PCDHGA7: variants seen among roughly 807,000 people sequenced by gnomAD.
PCDHGA7 encodes protocadherin gamma-A7.
In PCDHGA7, 44 loss-of-function variants were observed where a neutral mutation model predicts 58.3. That is an observed-to-expected ratio of 0.75 (90% confidence interval 0.59 to 0.97). The LOEUF (loss-of-function observed/expected upper bound fraction) is 0.97. Among genes scored for constraint, PCDHGA7 ranks in the 50% least tolerant of loss-of-function variants. PCDHGA7 has a pLI of 0.00. For missense variants in PCDHGA7, 1,266 were observed against 1,188.7 expected, an observed-to-expected ratio of 1.06 and a Z score of -0.96; for synonymous variants, 516 against 504.2, an observed-to-expected ratio of 1.02 and a Z score of -0.31.
At position 141,489,754 on chromosome 5, in the gene PCDHGA7, C is replaced by G; in HGVS notation, c.2425-5053C>G. 1 of 1,614,110 alleles carries G rather than the reference C, an allele frequency of 6.2e-7. No homozygotes were observed. The highest frequency in any genetic ancestry group is 8.5e-7 in the Non-Finnish European group (1 of 1,179,972). ...CACCAATACTGTGAGCTTTTACACT[C>G]TAAGCCCCAACAGCCACTTCTCTCT... On this transcript the variant is annotated intron_variant, in intron 1 of 3. Coordinates refer to ENST00000518325, the MANE Select transcript of PCDHGA7 (RefSeq NM_018920.4). The surrounding 1 kb of genome is among the most constrained non-coding windows in gnomAD (Gnocchi z 4.5).
intron 1 of PCDHGA7, chr5:141,408,741 T>C: frequency 6.2e-7 from 1 of 1,610,092 alleles, no homozygotes; most frequent in Non-Finnish European, 8.5e-7. Context: ...TATTTTTCAT[T>C]AATGGTTAGA....
chr5:141,427,991 C>T (rs748924488), intron 1 of PCDHGA7: 1 of 1,599,024 alleles, frequency 6.3e-7, no homozygotes, highest in Non-Finnish European at 8.6e-7. Context: ...GGCCCGATGG[C>T]TCCGCACTCT....
chr5:141,443,216 C>T (rs758242896), intron 1 of PCDHGA7, among the ~76,000 whole-genome samples: 3 of 151,908 alleles, frequency 2.0e-5, no homozygotes, highest in South Asian at 2.1e-4. Context: ...TCTCGCCAGG[C>T]GCATCTATAA....
At position 141,408,331 on chromosome 5, in the gene PCDHGA7, G is replaced by C. The variant is rs779178317; in HGVS notation, c.2424+23008G>C. On this transcript the variant is annotated intron_variant, in intron 1 of 3. Transcript: ENST00000518325. Reference sequence around the variant, plus strand: ...ACTCGATTCCGGAGGAGCTGGCCAAGGGCTCGGTGGTGGGGAACCTCGCTA... The same window carrying C: ...ACTCGATTCCGGAGGAGCTGGCCAACGGCTCGGTGGTGGGGAACCTCGCTA... 3.1e-6 allele frequency: 5 copies of C among 1,613,932 alleles called. No individual in the cohort carries two copies. In the South Asian group the frequency reaches 5.5e-5, roughly 18 times the overall value.
intron 1 of PCDHGA7, chr5:141,423,740 G>T: frequency 1.4e-6 from 1 of 698,992 alleles, no homozygotes; most frequent in Non-Finnish European, 1.8e-6. Flanking sequence ...AGCCTGTTAT[G>T]AAAACTGTTT....
chr5:141,406,600 G>A (rs1172246444), intron 1 of PCDHGA7, among the ~76,000 whole-genome samples: 2 of 152,144 alleles, frequency 1.3e-5, no homozygotes, highest in African/African-American at 4.8e-5. Flanking sequence ...AATGGTGAAA[G>A]TTGTCACATC....
At position 141,494,833 on chromosome 5, in the gene PCDHGA7, T is replaced by C. The variant is rs537340090; in HGVS notation, c.2451T>C (p.Arg817=). 1 of 1,614,094 alleles carries C rather than the reference T, an allele frequency of 6.2e-7. No homozygotes were observed. The highest frequency in any genetic ancestry group is 1.7e-5 in the Admixed American group (1 of 60,014). Residue 817 remains arginine, a synonymous_variant, in exon 2 of 4, where the codon CGT becomes CGC. Coordinates refer to ENST00000518325, the MANE Select transcript of PCDHGA7 (RefSeq NM_018920.4). ...IQQAPPNTDW[R]FSQAQRPGTS... Reference sequence around the variant, plus strand: ...AAGCCCCGCCCAACACGGACTGGCGTTTCTCTCAGGCCCAGAGACCCGGCA... The same window carrying C: ...AAGCCCCGCCCAACACGGACTGGCGCTTCTCTCAGGCCCAGAGACCCGGCA...
chr5:141,490,906 G>A lies in PCDHGA7; in HGVS notation c.2425-3901G>A, dbSNP rs2099705910. 1 of 1,613,798 alleles carries A rather than the reference G, an allele frequency of 6.2e-7. No individual in the cohort carries two copies. Among genetic ancestry groups the A allele is most frequent in the Non-Finnish European group, 8.5e-7 (1 of 1,179,808 alleles). ...CACATCTCTGCATGTGTTTGTCCTA[G>A]ACGAGAATGATAATGCCCCAGCTGT... On this transcript the variant is annotated intron_variant, in intron 1 of 3. Coordinates refer to ENST00000518325, the MANE Select transcript of PCDHGA7 (RefSeq NM_018920.4). The surrounding 1 kb of genome is among the most constrained non-coding windows in gnomAD (Gnocchi z 5.4).
At chr5:141,417,052 CTT>C (rs1308339867) in intron 1 of PCDHGA7, 2 of 151,464 alleles carry the variant, frequency 1.3e-5, no homozygotes, top group African/African-American at 4.9e-5. Context: ...AAAAACTGCT[CTT>C]GACATTGTAG....
At chr5:141,417,673 C>G in intron 1 of PCDHGA7, 3 of 970,368 alleles carry the variant, frequency 3.1e-6, no homozygotes, top group Non-Finnish European at 2.9e-6. Context: ...CCTGCGCAGC[C>G]AACAACAGAA....
intron 1 of PCDHGA7, among the ~76,000 whole-genome samples, chr5:141,468,246 A>G (rs2099161183): frequency 6.7e-6 from 1 of 149,754 alleles, no homozygotes; most frequent in South Asian, 2.1e-4. Context: ...AATTGCCTGA[A>G]CCTGGGAGGC....
chr5:141,436,501 G>A (rs1382579407), intron 1 of PCDHGA7, among the ~76,000 whole-genome samples: 1 of 152,118 alleles, frequency 6.6e-6, no homozygotes, highest in Admixed American at 6.5e-5. Context: ...TTGCAATTAG[G>A]TAAATTGTTA....
chr5:141,407,200 G>A (rs1054595818), intron 1 of PCDHGA7, among the ~76,000 whole-genome samples: 2 of 152,228 alleles, frequency 1.3e-5, no homozygotes, highest in East Asian at 1.9e-4. Context: ...TTTCAAACAC[G>A]TTTTCCCCCT....
intron 1 of PCDHGA7, chr5:141,433,015 C>T (rs2154555449): frequency 2.5e-6 from 4 of 1,614,172 alleles, no homozygotes; most frequent in South Asian, 2.2e-5. Flanking sequence ...TCCTGCAGAC[C>T]TATTCCCACG....
At chr5:141,414,334 A>C in intron 1 of PCDHGA7, 1 of 1,613,782 alleles carries the variant, frequency 6.2e-7, no homozygotes, top group Non-Finnish European at 8.5e-7. Flanking sequence ...TGGACAGGTA[A>C]CCTGTTCCAT....
rs746159671 is a variant in PCDHGA7, at chr5:141,399,684, G to A, written c.2424+14361G>A. The A allele has an allele frequency of 2.4e-5, 38 of 1,613,538 alleles. 1 individual carries two copies. In the South Asian group the frequency reaches 4.2e-4, roughly 18 times the overall value. On this transcript the variant is annotated intron_variant, in intron 1 of 3. Transcript: ENST00000518325. ...TCGCGCAGCGCGCCTTTGACTACGAGCAGCTGCGCACCTTCGAACTCACAC... is the reference window on the plus strand; with the variant it reads ...TCGCGCAGCGCGCCTTTGACTACGAACAGCTGCGCACCTTCGAACTCACAC...
chr5:141,410,186 C>G, intron 1 of PCDHGA7: 1 of 1,613,940 alleles, frequency 6.2e-7, no homozygotes, highest in Non-Finnish European at 8.5e-7. Flanking sequence ...CACGCTTCAT[C>G]TGGTCTTCGC....
intron 1 of PCDHGA7, chr5:141,410,620 G>T (rs765125633): frequency 6.2e-7 from 1 of 1,603,524 alleles, no homozygotes. Flanking sequence ...CTCTGACTTC[G>T]GTGAGTTTCT....
chr5:141,453,032 G>A (rs2098754281), intron 1 of PCDHGA7, among the ~76,000 whole-genome samples: 1 of 152,132 alleles, frequency 6.6e-6, no homozygotes, highest in Admixed American at 6.5e-5. Flanking sequence ...TTAAAATAAA[G>A]TTTGTTTCTA....
Sources: gnomAD v4.1 joint callset for allele counts (sites outside exome capture counted in the v4.1 genomes callset) on GRCh38, gnomAD v4.1.1 for gene constraint, Gnocchi (gnomAD v3.1) non-coding constraint, MANE v1.5 for transcripts, NCBI Gene and HGNC (gene_info 2026-07-23, HGNC 2026-07-21) for gene names.